Variants in SAFB2 observed in about 807,000 individuals in gnomAD.
SAFB2 encodes scaffold attachment factor B2.
A neutral mutation model predicts 100.6 loss-of-function variants in SAFB2; 32 were observed. The observed-to-expected ratio is 0.32, with a 90% CI of 0.24 to 0.43. The LOEUF (loss-of-function observed/expected upper bound fraction) is 0.43. Among genes scored for constraint, SAFB2 ranks in the 20% least tolerant of loss-of-function variants. The pLI is 1.00. For missense variants in SAFB2, 1,185 were observed against 1,163.4 expected, an observed-to-expected ratio of 1.02 and a Z score of -0.27; for synonymous variants, 500 against 439.4, an observed-to-expected ratio of 1.14 and a Z score of -1.72.
chr19:5,617,267 A>G (rs948142521), intron 2 of SAFB2, among the ~76,000 whole-genome samples: 12 of 152,056 alleles, frequency 7.9e-5, no homozygotes, highest in African/African-American at 2.9e-4. Context: ...TTAGCTCAAG[A>G]ACTTTTTTTT....
rs748085425 is a variant in SAFB2, at chr19:5,587,851, T to C, written c.2638+17A>G. ...TGGGGGCCACAGCCACCCTCGTCCC[T>C]GGAGCCAGCCCCGTACCTTGCCACC... is the stretch of plus-strand genomic sequence containing the variant. On this transcript the variant is annotated intron_variant, in intron 19 of 20. Transcript: ENST00000252542. This position sits in a 1 kb window ranked among gnomAD's most constrained non-coding sequence, Gnocchi z 4.9. 3.7e-6 allele frequency: 6 copies of C among 1,602,196 alleles called. No individual in the cohort carries two copies. In the African/African-American group the frequency reaches 5.4e-5, roughly 14 times the overall value.
chr19:5,609,842 T>C (rs2052868158), intron 9 of SAFB2, among the ~76,000 whole-genome samples, 153 bp downstream of exon 9: 1 of 152,190 alleles, frequency 6.6e-6, no homozygotes, highest in African/African-American at 2.4e-5. Flanking sequence ...CTTGCTATGT[T>C]GCCCAGGCTG....
At chr19:5,616,613 G>C in intron 2 of SAFB2, 127 bp from the exon 3 acceptor site, 1 of 597,122 alleles carries the variant, frequency 1.7e-6, no homozygotes, top group Non-Finnish European at 2.9e-6. Flanking sequence ...CCCCTCTCCT[G>C]TCACACGTAA....
intron 4 of SAFB2, among the ~76,000 whole-genome samples, chr19:5,614,468 A>G (rs985167815): frequency 3.3e-5 from 5 of 152,170 alleles, no homozygotes; most frequent in African/African-American, 1.2e-4. Flanking sequence ...AGAAGTACAC[A>G]CTCTGAAAAC....
chr19:5,597,275 G>C (rs1030909268), intron 13 of SAFB2, among the ~76,000 whole-genome samples: 1 of 152,082 alleles, frequency 6.6e-6, no homozygotes, highest in East Asian at 1.9e-4. Context: ...AAATTTAAAC[G>C]TTAAAAGAGG....
intron 18 of SAFB2, 91 bp from the exon 19 acceptor site, chr19:5,588,071 G>C: frequency 1.8e-6 from 2 of 1,129,404 alleles, no homozygotes; most frequent in Non-Finnish European, 2.5e-6. Context: ...CAGCTGCATG[G>C]TGGGTCATGC....
At chr19:5,601,433 G>A (rs1026019450) in intron 11 of SAFB2, among the ~76,000 whole-genome samples, 11 of 152,152 alleles carry the variant, frequency 7.2e-5, no homozygotes, top group Non-Finnish European at 1.5e-4. Context: ...TTTTTAGGCT[G>A]GTCGCGGTGG....
chr19:5,587,299 C>A lies in SAFB2; in HGVS notation c.2806G>T (p.Val936Phe), dbSNP rs1406855555. ...GVASQDRGSR[V>F]PHPHPHPPPY... Reference sequence around the variant, plus strand: ...GGGGGATGAGGGTGTGGGTGAGGGACTCTGCTGCCCCGGTCCTGGCTGGCC... The same window carrying A: ...GGGGGATGAGGGTGTGGGTGAGGGAATCTGCTGCCCCGGTCCTGGCTGGCC... Residue 936 changes from valine (V) to phenylalanine (F), a missense_variant, in exon 21 of 21, where the codon GTC (valine) becomes TTC (phenylalanine). Around this residue, in one of 3 missense-constraint regions of SAFB2, gnomAD observed 740 missense variants for 687.1 expected, o/e 1.08. Transcript: ENST00000252542. This position sits in a 1 kb window ranked among gnomAD's most constrained non-coding sequence, Gnocchi z 4.9. The A allele has an allele frequency of 6.2e-7, 1 of 1,612,350 alleles. No individual in the cohort carries two copies. Among genetic ancestry groups the A allele is most frequent in the Admixed American group, 1.7e-5 (1 of 59,848 alleles).
At chr19:5,592,394 C>T (rs2052428623) in intron 16 of SAFB2, among the ~76,000 whole-genome samples, 2 of 152,210 alleles carry the variant, frequency 1.3e-5, no homozygotes, top group Non-Finnish European at 2.9e-5. Context: ...AAATTTTGCA[C>T]GTCCTCCATC....
At chr19:5,601,946 C>T (rs1281121836) in intron 11 of SAFB2, among the ~76,000 whole-genome samples, 4 of 152,104 alleles carry the variant, frequency 2.6e-5, no homozygotes, top group African/African-American at 2.4e-5. Flanking sequence ...TTTACATGTG[C>T]TTTCTGTATA....
At chr19:5,611,923 G>A in intron 6 of SAFB2, 2 of 516,580 alleles carry the variant, frequency 3.9e-6, no homozygotes, top group South Asian at 4.0e-5. Context: ...TTCAAGTCTG[G>A]GTCTTCTGAC....
chr19:5,596,811 T>G lies in SAFB2; in HGVS notation c.1783-1314A>C, dbSNP rs1216634288. Among the ~76,000 whole-genome samples the G allele has an allele frequency of 2.6e-5, 4 of 152,232 alleles. No individual in the cohort carries two copies. The East Asian group carries it at 7.7e-4, about 29-fold the overall frequency. On this transcript the variant is annotated intron_variant, in intron 13 of 20. Transcript: ENST00000252542. ...GCCTCCTGCTGATCCACACAGAATC[T>G]CTGGGGCAGGGGCCTGGGAAATGAC...
intron 5 of SAFB2, 90 bp from the exon 6 acceptor site, chr19:5,612,657 G>A (rs959876706): frequency 5.1e-6 from 5 of 986,662 alleles, no homozygotes; most frequent in Non-Finnish European, 7.9e-6. Flanking sequence ...AATCATCTGT[G>A]AATAAATGCC....
intron 14 of SAFB2, 25 bp from the exon 15 acceptor site, chr19:5,594,203 T>C: frequency 6.4e-7 from 1 of 1,552,596 alleles, no homozygotes; most frequent in South Asian, 1.2e-5. Context: ...GAGGCTGCCC[T>C]GAACTCCCTG....
At position 5,611,292 on chromosome 19, in the gene SAFB2, C is replaced by T. The variant is rs1410122588; in HGVS notation, c.973G>A (p.Glu325Lys). ...TCCTCGCTAGAGGCCTCCGCGAGCT[C>T]GGAGGCCGCACTACTCTGCTCAACT... ...PAVEQSSAAS[E>K]LAEASSEELA... The change falls in exon 7 of 21, where the codon GAG (glutamate) becomes AAG (lysine). Residue 325 changes from glutamate to lysine, a missense_variant. This residue lies in a region of SAFB2 where 351 missense variants were observed against 341.2 expected (regional missense o/e 1.03). Transcript: ENST00000252542. 5 of 362,742 alleles carry T rather than the reference C, an allele frequency of 1.4e-5. No individual in the cohort carries two copies. Among genetic ancestry groups the T allele is most frequent in the East Asian group, 8.7e-5 (2 of 23,010 alleles). 22.5% of individuals were successfully genotyped at this position (362,742 alleles called of 1,614,324 possible). A position where few individuals can be genotyped will look rare whatever the true frequency, so the allele number is the denominator to read the frequency against.
At chr19:5,602,479 CAAAAAAAAAAAAA>C (rs35472223) in intron 11 of SAFB2, among the ~76,000 whole-genome samples, 2 of 39,532 alleles carry the variant, frequency 5.1e-5, no homozygotes, top group Admixed American at 3.4e-4. Flanking sequence ...GACTCTGTCT[CAAAAAAAAAAAAA>C]AAAAAAAAAA....
chr19:5,593,710 G>A (rs1210806035), intron 15 of SAFB2, 181 bp downstream of exon 15: 1 of 617,314 alleles, frequency 1.6e-6, no homozygotes, highest in Non-Finnish European at 2.6e-6. Flanking sequence ...GGTGAGGACA[G>A]CGAACTAATA....
chr19:5,593,828 TG>T (rs1007287110), intron 15 of SAFB2, 62 bp downstream of exon 15: 27 of 1,379,056 alleles, frequency 2.0e-5, no homozygotes, highest in Middle Eastern at 2.6e-4. Flanking sequence ...GCTGTTCTGC[TG>T]GAAGGGTGAA....
In SAFB2 at chr19:5,599,950, T is replaced by C. The variant is rs542363521; in HGVS notation, c.1690+180A>G. On this transcript the variant is annotated intron_variant, in intron 12 of 20. Coordinates refer to ENST00000252542, the MANE Select transcript of SAFB2 (RefSeq NM_014649.3). ...GTCCCAGGCACTTCTGGATTCCCGA[T>C]GTTGTATGGACACTCCTTTAAGCCA... Among the ~76,000 whole-genome samples the C allele has an allele frequency of 2.8e-4, 42 of 152,302 alleles. 1 individual carries two copies. The highest frequency in any genetic ancestry group is 2.5e-3 in the Admixed American group (39 of 15,298).
Sources: allele counts gnomAD v4.1 joint callset (sites outside exome capture counted in the v4.1 genomes callset), GRCh38; gene constraint gnomAD v4.1.1; regional missense constraint gnomAD v4.1.1; non-coding constraint Gnocchi (gnomAD v3.1); transcripts MANE v1.5; gene names NCBI Gene and HGNC (gene_info 2026-07-23, HGNC 2026-07-21).